Variants in LBP observed in about 807,000 individuals in gnomAD.
LBP encodes the protein lipopolysaccharide binding protein.
LBP carries 53 observed loss-of-function variants against 56.6 expected under a neutral mutation model. That is an observed-to-expected ratio of 0.94 (90% confidence interval 0.75 to 1.18). The LOEUF is 1.18. LBP is among the 50% of genes most tolerant of loss of function. LBP has a pLI of 0.00. For missense variants in LBP, 601 were observed against 598.3 expected (o/e 1.00, Z -0.05); for synonymous variants, 227 against 247.5 (o/e 0.92, Z 0.78).
Position 38,363,980 on chromosome 20 carries a change from A to G in LBP, c.658A>G (p.Thr220Ala). Residue 220 changes from threonine to alanine, a missense_variant, in exon 7 of 15, where the codon ACA becomes GCA. Transcript: ENST00000217407. ...QPYLQTLPVTTEIDSFADIDY... is the reference protein window; with the variant it reads ...QPYLQTLPVTAEIDSFADIDY... ...TGCCCTGTCCTCATTCACAGTTACA[A>G]CAGAGATTGACAGTTTCGCCGACAT... 6.2e-7 allele frequency: 1 copy of G among 1,612,694 alleles called. No homozygotes were observed. The highest frequency in any genetic ancestry group is 8.5e-7 in the Non-Finnish European group (1 of 1,178,718).
chr20:38,374,369 C>T (rs1000874575), intron 14 of LBP, among the ~76,000 whole-genome samples: 11 of 152,052 alleles, frequency 7.2e-5, no homozygotes, highest in African/African-American at 2.7e-4. Flanking sequence ...GAGGCTGGGG[C>T]GGGCAGATCA....
At chr20:38,350,538 C>G (rs575181847) in intron 2 of LBP, among the ~76,000 whole-genome samples, 8 of 152,296 alleles carry the variant, frequency 5.3e-5, no homozygotes, top group African/African-American at 1.9e-4. Context: ...ACTGCAAAAC[C>G]GTGAGCAATT....
chr20:38,375,265 C>T (rs890566839), intron 14 of LBP, among the ~76,000 whole-genome samples: 1 of 151,590 alleles, frequency 6.6e-6, no homozygotes, highest in African/African-American at 2.4e-5. Flanking sequence ...TCTTTCTTTC[C>T]CTTTTTTTTT....
intron 14 of LBP, among the ~76,000 whole-genome samples, 160 bp from the exon 15 acceptor site, chr20:38,376,465 C>T (rs530785005): frequency 2.0e-4 from 30 of 152,242 alleles, no homozygotes; most frequent in East Asian, 1.4e-3. Context: ...CTGTGCTTTA[C>T]GGAGAGCTTG....
chr20:38,376,571 C>A, intron 14 of LBP, 54 bp from the exon 15 acceptor site: 2 of 1,534,030 alleles, frequency 1.3e-6, no homozygotes, highest in South Asian at 2.2e-5. Context: ...GCAGATGCAT[C>A]TTTTTGGAGT....
intron 5 of LBP, among the ~76,000 whole-genome samples, chr20:38,359,885 C>T (rs1268427762): frequency 4.6e-5 from 7 of 152,202 alleles, no homozygotes; most frequent in African/African-American, 1.7e-4. Flanking sequence ...CCCCAGCATT[C>T]AGTCTTCCAG....
intron 5 of LBP, among the ~76,000 whole-genome samples, chr20:38,357,442 TG>T (rs2076845340): frequency 6.6e-6 from 1 of 152,030 alleles, no homozygotes; most frequent in Admixed American, 6.6e-5. Context: ...CCACTCAGGG[TG>T]GGATGTGGTA....
At chr20:38,356,647 C>T (rs76585941) in intron 5 of LBP, among the ~76,000 whole-genome samples, 8,040 of 152,178 alleles carry the variant, frequency 0.053, 484 homozygotes, top group Middle Eastern at 0.15. Flanking sequence ...TATTGCTGTG[C>T]ATAACAATAG....
chr20:38,368,762 C>T (rs934025025), intron 9 of LBP, among the ~76,000 whole-genome samples: 12 of 152,144 alleles, frequency 7.9e-5, no homozygotes, highest in African/African-American at 2.2e-4. Context: ...TTTAATCCAT[C>T]GCAGGACCCA....
At chr20:38,358,359 C>G (rs1488260237) in intron 5 of LBP, among the ~76,000 whole-genome samples, 1 of 152,164 alleles carries the variant, frequency 6.6e-6, no homozygotes, top group Non-Finnish European at 1.5e-5. Flanking sequence ...CCTCAGGAGG[C>G]CCTGCTGTGT....
intron 7 of LBP, 114 bp from the exon 8 acceptor site, chr20:38,364,462 G>A (rs1321661107): frequency 2.1e-6 from 2 of 959,628 alleles, no homozygotes; most frequent in African/African-American, 3.2e-5. Flanking sequence ...TAATGGTGGA[G>A]TTTCAGGCAG....
intron 3 of LBP, among the ~76,000 whole-genome samples, chr20:38,352,143 C>G (rs1403054655): frequency 6.6e-6 from 1 of 152,140 alleles, no homozygotes; most frequent in African/African-American, 2.4e-5. Flanking sequence ...AGGGCCCACC[C>G]TAATGGCCTC....
chr20:38,366,789 C>T lies in LBP; in HGVS notation c.942C>T (p.Ile314=). The T allele has an allele frequency of 2.5e-6, 4 of 1,614,166 alleles. No homozygotes were observed. The highest frequency in any genetic ancestry group is 3.4e-6 in the Non-Finnish European group (4 of 1,180,042). Residue 314 remains isoleucine (I), a synonymous_variant, in exon 9 of 15, where the codon ATC becomes ATT. Coordinates refer to ENST00000217407, the MANE Select transcript of LBP (RefSeq NM_004139.5). ...TDDMIPPDSN[I]RLTTKSFRPF... ...TGCAGATACCGCCTGACTCTAATATCCGACTGACCACCAAGTCCTTCCGAC... is the reference window on the plus strand; with the variant it reads ...TGCAGATACCGCCTGACTCTAATATTCGACTGACCACCAAGTCCTTCCGAC...
chr20:38,356,101 C>A (rs1052832663), intron 5 of LBP, among the ~76,000 whole-genome samples: 17 of 131,266 alleles, frequency 1.3e-4, no homozygotes, highest in Admixed American at 7.6e-4. Context: ...ACACACACTC[C>A]CTCCCAGCAC....
intron 14 of LBP, 124 bp downstream of exon 14, chr20:38,374,137 G>A: frequency 2.1e-6 from 2 of 935,996 alleles, no homozygotes; most frequent in South Asian, 1.4e-5. Context: ...TCTGGCCAGG[G>A]GCAGGACGGG....
intron 3 of LBP, among the ~76,000 whole-genome samples, chr20:38,353,173 G>GA (rs1204807788): frequency 2.0e-5 from 3 of 152,048 alleles, no homozygotes; most frequent in African/African-American, 7.2e-5. Flanking sequence ...AAATTGATAG[G>GA]AAATTCACGG....
At chr20:38,348,688 C>T (rs1440338704) in intron 1 of LBP, among the ~76,000 whole-genome samples, 3 of 152,126 alleles carry the variant, frequency 2.0e-5, no homozygotes, top group African/African-American at 7.2e-5. Flanking sequence ...GCTAGGAGTG[C>T]TTGTTATCCT....
intron 1 of LBP, among the ~76,000 whole-genome samples, chr20:38,349,244 CAAG>C (rs1354574701): frequency 6.6e-6 from 1 of 152,196 alleles, no homozygotes; most frequent in Non-Finnish European, 1.5e-5. Flanking sequence ...TCATGGAGAA[CAAG>C]AAGGAGGACT....
At chr20:38,363,335 AAT>A (rs2076868354) in intron 6 of LBP, among the ~76,000 whole-genome samples, 1 of 152,210 alleles carries the variant, frequency 6.6e-6, no homozygotes, top group Non-Finnish European at 1.5e-5. Context: ...TCATTTATTT[AAT>A]AAGTCCCCCA....
Sources: gnomAD v4.1 joint callset for allele counts (sites outside exome capture counted in the v4.1 genomes callset) on GRCh38, gnomAD v4.1.1 for gene constraint, MANE v1.5 for transcripts, NCBI Gene and HGNC (gene_info 2026-07-23, HGNC 2026-07-21) for gene names.